The following AGBL4 variants were observed in gnomAD, a reference collection of about 807,000 sequenced individuals.
AGBL4 encodes the protein cytosolic carboxypeptidase 6.
Under a neutral mutation model 66.4 loss-of-function variants are expected in AGBL4, and 58 were observed. The ratio of observed to expected loss-of-function variants is 0.87; its 90% CI spans 0.71 to 1.09. The LOEUF is 1.09. AGBL4 is among the 50% of genes least tolerant of loss of function. The pLI is 0.00. For missense variants in AGBL4, 579 were observed against 631.0 expected (o/e 0.92, Z 0.88); for synonymous variants, 234 against 222.9 (o/e 1.05, Z -0.44).
chr1:49,955,057 C>T (rs1656479369), intron 1 of AGBL4, among the ~76,000 whole-genome samples: 1 of 151,826 alleles, frequency 6.6e-6, no homozygotes. Flanking sequence ...TTTACCCCTT[C>T]AAAATTTTAT....
At chr1:48,546,864 A>AACACAC (rs58136623) in intron 11 of AGBL4, among the ~76,000 whole-genome samples, 9,595 of 128,190 alleles carry the variant, frequency 0.075, 385 homozygotes, top group East Asian at 0.098. Flanking sequence ...AAAACAAACA[A>AACACAC]ACACACACAC....
chr1:48,769,781 G>A (rs1644720031), intron 6 of AGBL4, among the ~76,000 whole-genome samples: 2 of 152,128 alleles, frequency 1.3e-5, no homozygotes, highest in African/African-American at 4.8e-5. Flanking sequence ...TAACACAGTG[G>A]GCAATTACTA....
At chr1:49,462,964 T>C (rs1166182193) in intron 3 of AGBL4, among the ~76,000 whole-genome samples, 1 of 151,762 alleles carries the variant, frequency 6.6e-6, no homozygotes, top group Non-Finnish European at 1.5e-5. Flanking sequence ...TCTAATCCTG[T>C]CATTTGACTA....
intron 4 of AGBL4, among the ~76,000 whole-genome samples, chr1:49,072,389 C>T (rs545077197): frequency 6.6e-6 from 1 of 152,254 alleles, no homozygotes; most frequent in East Asian, 1.9e-4. Context: ...CCGGTTGTCC[C>T]TTTCTATGTT....
At chr1:49,011,416 C>A (rs1662396667) in intron 5 of AGBL4, among the ~76,000 whole-genome samples, 1 of 152,142 alleles carries the variant, frequency 6.6e-6, no homozygotes. Context: ...AATAGGAACA[C>A]TTTTACACTG....
At chr1:48,631,970 CT>C (rs373181909) in intron 9 of AGBL4, among the ~76,000 whole-genome samples, 15 of 152,268 alleles carry the variant, frequency 9.9e-5, no homozygotes, top group Middle Eastern at 3.4e-3. Context: ...TCAGTATTTA[CT>C]TGTTTAAAGT....
chr1:49,286,049 T>C (rs975240213), intron 3 of AGBL4, among the ~76,000 whole-genome samples: 3 of 152,244 alleles, frequency 2.0e-5, no homozygotes, highest in African/African-American at 7.2e-5. Context: ...GATGCAAGGC[T>C]GGTTCAATAT....
intron 3 of AGBL4, among the ~76,000 whole-genome samples, chr1:49,317,375 C>T (rs1645059233): frequency 6.6e-6 from 1 of 151,848 alleles, no homozygotes; most frequent in Non-Finnish European, 1.5e-5. Context: ...ATAAGTGAGA[C>T]AATGAATGTC....
intron 3 of AGBL4, among the ~76,000 whole-genome samples, chr1:49,516,064 G>GC (rs201715072): frequency 0.034 from 4,946 of 146,274 alleles, 138 homozygotes; most frequent in Non-Finnish European, 0.05. Context: ...AATCAAGACT[G>GC]CCCCCCCCCA....
chr1:48,581,210 C>T (rs970296710), intron 11 of AGBL4, among the ~76,000 whole-genome samples: 15 of 152,138 alleles, frequency 9.9e-5, no homozygotes, highest in African/African-American at 2.7e-4. Context: ...AGTAAATAAA[C>T]GATAGCTTCA....
chr1:49,010,212 A>C (rs1163499083), intron 5 of AGBL4, among the ~76,000 whole-genome samples: 4 of 149,560 alleles, frequency 2.7e-5, no homozygotes, highest in Non-Finnish European at 6.0e-5. Context: ...TACAAAAATC[A>C]CAAGCATTCT....
intron 6 of AGBL4, among the ~76,000 whole-genome samples, chr1:48,668,003 TTTGTTGTTG>T (rs35572126): frequency 8.0e-5 from 12 of 150,216 alleles, no homozygotes; most frequent in African/African-American, 1.5e-4. Flanking sequence ...GGGGGAAGCA[TTTGTTGTTG>T]TTGTTGTTGT....
chr1:49,802,898 A>G (rs1644896609), intron 2 of AGBL4, among the ~76,000 whole-genome samples: 1 of 152,182 alleles, frequency 6.6e-6, no homozygotes, highest in Non-Finnish European at 1.5e-5. Flanking sequence ...AATTTATCCA[A>G]TAGTCATTGC....
intron 6 of AGBL4, among the ~76,000 whole-genome samples, chr1:48,710,438 C>T (rs1013923437): frequency 7.2e-5 from 11 of 152,072 alleles, no homozygotes; most frequent in South Asian, 2.1e-4. Flanking sequence ...GGAGCCAGAG[C>T]GTGGGGTGGT....
At chr1:48,998,048 A>G (rs1661145667) in intron 5 of AGBL4, among the ~76,000 whole-genome samples, 1 of 152,238 alleles carries the variant, frequency 6.6e-6, no homozygotes. Flanking sequence ...GGGTAGTCAG[A>G]GAAAGATTGA....
Position 49,260,317 on chromosome 1 carries a change from C to A in AGBL4, c.283-14453G>T, listed in dbSNP as rs938300110. Among the ~76,000 whole-genome samples the A allele has an allele frequency of 1.9e-4, 29 of 150,316 alleles. No individual in the cohort carries two copies. The East Asian group carries it at 5.7e-3, about 29-fold the overall frequency. On this transcript the variant is annotated intron_variant, in intron 3 of 13. Coordinates refer to ENST00000371839, the MANE Select transcript of AGBL4 (RefSeq NM_032785.4). Reference sequence around the variant, plus strand: ...AGAAATAACTAAAATCAGAGCAGAACTGAAGGAAATAGAGACACAAAAAAC... The same window carrying A: ...AGAAATAACTAAAATCAGAGCAGAAATGAAGGAAATAGAGACACAAAAAAC...
At chr1:49,027,184 G>T (rs1408830516) in intron 5 of AGBL4, among the ~76,000 whole-genome samples, 2 of 152,002 alleles carry the variant, frequency 1.3e-5, no homozygotes, top group Non-Finnish European at 2.9e-5. Flanking sequence ...TTTTGAGACG[G>T]AGTTTCACTC....
chr1:48,743,664 G>A (rs552228274), intron 6 of AGBL4, among the ~76,000 whole-genome samples: 20 of 152,308 alleles, frequency 1.3e-4, no homozygotes, highest in African/African-American at 4.6e-4. Context: ...AGCTCCCTCT[G>A]TCTGTGCATG....
At chr1:49,708,132 T>C (rs1647353038) in intron 2 of AGBL4, among the ~76,000 whole-genome samples, 1 of 152,172 alleles carries the variant, frequency 6.6e-6, no homozygotes, top group Non-Finnish European at 1.5e-5. Context: ...TCCTGGATAA[T>C]ATCCTGAAGA....
Sources: gnomAD v4.1 joint callset for allele counts (sites outside exome capture counted in the v4.1 genomes callset) on GRCh38, gnomAD v4.1.1 for gene constraint, MANE v1.5 for transcripts, NCBI Gene and HGNC (gene_info 2026-07-23, HGNC 2026-07-21) for gene names.